The following PDE4D variants were observed in gnomAD, a reference collection of about 807,000 sequenced individuals.
The protein encoded by PDE4D is 3',5'-cyclic-AMP phosphodiesterase 4D.
In PDE4D, 24 loss-of-function variants were observed where a neutral mutation model predicts 87.4. The ratio of observed to expected loss-of-function variants is 0.27; its 90% CI spans 0.20 to 0.39. The LOEUF (loss-of-function observed/expected upper bound fraction) is 0.39. Ranked by LOEUF, PDE4D falls within the 10% of genes least tolerant of loss-of-function variation. PDE4D has a pLI of 1.00. For missense variants in PDE4D, 714 were observed against 1,041.0 expected (o/e 0.69, Z 4.32); for synonymous variants, 384 against 383.2 (o/e 1.00, Z -0.02).
chr5:59,498,949 A>C (rs1807738819), intron 1 of PDE4D, among the ~76,000 whole-genome samples: 1 of 152,146 alleles, frequency 6.6e-6, no homozygotes, highest in South Asian at 2.1e-4. Flanking sequence ...AGAATACTCC[A>C]CCCAACAACT....
At chr5:59,038,512 C>T (rs888771411) in intron 6 of PDE4D, among the ~76,000 whole-genome samples, 2 of 152,122 alleles carry the variant, frequency 1.3e-5, no homozygotes, top group Non-Finnish European at 2.9e-5. Context: ...CACAGACATC[C>T]ACCAATTCTT....
rs889511279 is a variant in PDE4D at position 59,669,811 on chromosome 5, T to C, written c.455+223357A>G. Among the ~76,000 whole-genome samples the C allele has an allele frequency of 2.6e-5, 4 of 152,328 alleles. No individual in the cohort carries two copies. The East Asian group carries it at 5.8e-4, about 22-fold the overall frequency. On this transcript the variant is annotated intron_variant, in intron 1 of 14. Coordinates refer to ENST00000340635, the MANE Select transcript of PDE4D (RefSeq NM_001104631.2). The stretch of plus-strand genomic sequence containing the variant: ...AATAGTCCAGAATTTTATTCCTACT[T>C]TCTTCCTTTTTCACTTGAGAATGTA...
chr5:59,038,849 C>T lies in PDE4D; in HGVS notation c.921+10G>A, dbSNP rs769985363. 2.0e-6 allele frequency: 3 copies of T among 1,519,372 alleles called. No homozygotes were observed. Among genetic ancestry groups the T allele is most frequent in the South Asian group, 1.3e-5 (1 of 77,582 alleles). 94.1% of individuals were successfully genotyped at this position (1,519,372 alleles called of 1,614,324 possible). On this transcript the variant is annotated intron_variant, in intron 6 of 14. Transcript: ENST00000340635. ...CTGGGGGCACCAGTGACAGCAGAACCGGGGCTTACCTTGTTGGAGGCCATC... is the reference window on the plus strand; with the variant it reads ...CTGGGGGCACCAGTGACAGCAGAACTGGGGCTTACCTTGTTGGAGGCCATC...
intron 2 of PDE4D, among the ~76,000 whole-genome samples, chr5:60,167,024 AT>A (rs1782970634): frequency 6.6e-6 from 1 of 152,102 alleles, no homozygotes; most frequent in Admixed American, 6.5e-5. Context: ...TATGTATTGA[AT>A]AGTCTTATTT....
At chr5:59,547,496 C>T (rs529468945) in intron 1 of PDE4D, among the ~76,000 whole-genome samples, 1 of 151,970 alleles carries the variant, frequency 6.6e-6, no homozygotes, top group South Asian at 2.1e-4. Context: ...TAATGACAAC[C>T]TCAAGTAAAC....
intron 1 of PDE4D, among the ~76,000 whole-genome samples, chr5:59,697,835 C>T (rs1052095740): frequency 6.6e-6 from 1 of 152,154 alleles, no homozygotes; most frequent in Non-Finnish European, 1.5e-5. Context: ...CTAGAATAAC[C>T]AATGAAAAGC....
rs1462522338 is a variant in PDE4D at position 60,096,908 on chromosome 5, C to T, written c.42+88649G>A. Among the ~76,000 whole-genome samples the T allele has an allele frequency of 3.3e-5, 5 of 152,076 alleles. No individual in the cohort carries two copies. The East Asian group carries it at 9.6e-4, about 29-fold the overall frequency. On this transcript the variant is annotated intron_variant, in intron 2 of 16. Coordinates refer to the PDE4D transcript ENST00000502484. ...ATACCCAAGTCTTACCAACACTCTT[C>T]TTTCTTTTCAGAGTAACAGTTAATG... is the stretch of plus-strand genomic sequence containing the variant.
chr5:59,078,734 C>G (rs186580816), intron 5 of PDE4D, among the ~76,000 whole-genome samples: 1 of 152,028 alleles, frequency 6.6e-6, no homozygotes, highest in Non-Finnish European at 1.5e-5. Context: ...AGGTTGGTCT[C>G]GAACTCCTTA....
chr5:60,045,213 GT>G (rs1029868935), intron 2 of PDE4D, among the ~76,000 whole-genome samples: 2 of 151,844 alleles, frequency 1.3e-5, no homozygotes, highest in African/African-American at 2.4e-5. Context: ...GGGGTTGTTT[GT>G]TTTTTTCTTG....
At chr5:60,478,959 TGA>T in intron 1 of PDE4D, among the ~76,000 whole-genome samples, 1 of 152,334 alleles carries the variant, frequency 6.6e-6, no homozygotes, top group Non-Finnish European at 1.5e-5. Flanking sequence ...TCTAGTATGC[TGA>T]GTCTCATTTG....
intron 1 of PDE4D, among the ~76,000 whole-genome samples, chr5:59,245,789 G>C (rs140318619): frequency 6.6e-6 from 1 of 152,104 alleles, no homozygotes; most frequent in African/African-American, 2.4e-5. Flanking sequence ...ATTATACCAT[G>C]CAGGGCTCTG....
At chr5:59,192,561 TTAAG>T (rs1744579450) in intron 3 of PDE4D, among the ~76,000 whole-genome samples, 1 of 152,166 alleles carries the variant, frequency 6.6e-6, no homozygotes, top group Admixed American at 6.5e-5. Flanking sequence ...CCCAGAAAAT[TTAAG>T]TGAGTTGTCC....
Position 60,198,537 on chromosome 5 carries a change from ACTCACATTTCAAG to A in PDE4D, c.-89-12863_-89-12851del, listed in dbSNP as rs1305034794. On this transcript the variant is annotated intron_variant, in intron 1 of 16. Coordinates refer to the PDE4D transcript ENST00000502484. ...GATCAAGATAAATGTAGATACTGAA[ACTCACATTTCAAG>A]GCTACTACTGTGTAAACTAAATGAT... 4.6e-5 allele frequency among the ~76,000 whole-genome samples: 7 copies of A among 151,768 alleles called. No homozygotes were observed. The South Asian group carries it at 1.2e-3, about 27-fold the overall frequency.
At chr5:59,189,311 G>A (rs1743779512) in intron 3 of PDE4D, among the ~76,000 whole-genome samples, 1 of 144,474 alleles carries the variant, frequency 6.9e-6, no homozygotes, top group Non-Finnish European at 1.5e-5. Context: ...GTGCAATGGC[G>A]CGATCTCGGC....
intron 2 of PDE4D, among the ~76,000 whole-genome samples, chr5:60,106,694 A>T (rs1776970500): frequency 6.6e-6 from 1 of 151,932 alleles, no homozygotes; most frequent in South Asian, 2.1e-4. Context: ...GGAACTCAGG[A>T]TTAAGAAACT....
chr5:59,172,719 T>G (rs1356116217), intron 5 of PDE4D: 1 of 151,392 alleles, frequency 6.6e-6, no homozygotes, highest in African/African-American at 2.4e-5. Flanking sequence ...AAAAATTAAT[T>G]AATTAATTAA....
intron 1 of PDE4D, among the ~76,000 whole-genome samples, chr5:59,361,247 A>G (rs1189558242): frequency 1.3e-5 from 2 of 152,186 alleles, no homozygotes. Context: ...AATATCTACT[A>G]AATGACTGAC....
chr5:60,171,229 G>A (rs748728538), intron 2 of PDE4D, among the ~76,000 whole-genome samples: 8 of 152,000 alleles, frequency 5.3e-5, no homozygotes, highest in South Asian at 2.1e-4. Flanking sequence ...TAAACCATAT[G>A]AGAGAATTTC....
At chr5:59,327,722 A>T (rs1164654626) in intron 1 of PDE4D, among the ~76,000 whole-genome samples, 1 of 152,140 alleles carries the variant, frequency 6.6e-6, no homozygotes, top group African/African-American at 2.4e-5. Flanking sequence ...TTTCTTTCCA[A>T]AAGCATAAGG....
Sources: allele counts gnomAD v4.1 joint callset (sites outside exome capture counted in the v4.1 genomes callset), GRCh38; gene constraint gnomAD v4.1.1; transcripts MANE v1.5; gene names NCBI Gene and HGNC (gene_info 2026-07-23, HGNC 2026-07-21).